CRMP1: variants seen among roughly 807,000 people sequenced by gnomAD.
CRMP1 encodes collapsin response mediator protein 1.
Under a neutral mutation model 68.3 loss-of-function variants are expected in CRMP1, and 19 were observed. The ratio of observed to expected loss-of-function variants is 0.28; its 90% CI spans 0.19 to 0.41. The LOEUF (loss-of-function observed/expected upper bound fraction) is 0.41. CRMP1 is among the 10% of genes least tolerant of loss of function. CRMP1 has a pLI of 1.00. For synonymous variants in CRMP1, 439 were observed against 399.6 expected, an observed-to-expected ratio of 1.10 and a Z score of -1.18; for missense variants, 791 against 967.4, an observed-to-expected ratio of 0.82 and a Z score of 2.42.
chr4:5,851,907 G>C (rs1208358644), intron 4 of CRMP1, among the ~76,000 whole-genome samples: 2 of 148,732 alleles, frequency 1.3e-5, no homozygotes, highest in Non-Finnish European at 3.0e-5. Flanking sequence ...AGAAAAAGGA[G>C]AAAGAGAAGG....
At chr4:5,867,388 T>C (rs909915316) in intron 1 of CRMP1, among the ~76,000 whole-genome samples, 2 of 152,180 alleles carry the variant, frequency 1.3e-5, no homozygotes, top group African/African-American at 4.8e-5. Context: ...AATTGGGTCA[T>C]TTGTAGAACA....
rs1425799793 is a variant in CRMP1 at position 5,866,801 on chromosome 4, G to C, written c.382-45C>G. ...ATTAAGGATCCTTGGTGAAAAGCCA[G>C]GATAAAGTTTTTTCTTTTTAATTTT... On this transcript the variant is annotated intron_variant, in intron 1 of 13. Transcript: ENST00000324989. The surrounding 1 kb of genome is among the most constrained non-coding windows in gnomAD (Gnocchi z 5.9). The C allele has an allele frequency of 7.1e-7, 1 of 1,412,288 alleles. No homozygotes were observed. Among genetic ancestry groups the C allele is most frequent in the African/African-American group, 1.4e-5 (1 of 69,010 alleles). 87.5% of individuals were successfully genotyped at this position (1,412,288 alleles called of 1,614,324 possible).
intron 6 of CRMP1, among the ~76,000 whole-genome samples, chr4:5,844,079 C>A (rs1356650866): frequency 6.6e-6 from 1 of 152,094 alleles, no homozygotes; most frequent in Non-Finnish European, 1.5e-5. Flanking sequence ...GAACCCTGGG[C>A]CTCATCACCC....
chr4:5,861,331 G>C lies in CRMP1; in HGVS notation c.471-121C>G, dbSNP rs1050154967. On this transcript the variant is annotated intron_variant, in intron 2 of 13. Coordinates refer to ENST00000324989, the MANE Select transcript of CRMP1 (RefSeq NM_001014809.3). This position sits in a 1 kb window ranked among gnomAD's most constrained non-coding sequence, Gnocchi z 6.0. ...AGCCAGGCCCTTCACAAGGCCCTGG[G>C]GAGACAGAGATAACTCAGGCAGGGC... 1.0e-6 allele frequency: 1 copy of C among 986,704 alleles called. No homozygotes were observed. The highest frequency in any genetic ancestry group is 1.5e-6 in the Non-Finnish European group (1 of 665,842). 61.1% of individuals were successfully genotyped at this position (986,704 alleles called of 1,614,324 possible).
In CRMP1 at chr4:5,888,490, G is replaced by C. The variant is rs1715766461; in HGVS notation, c.381+4099C>G. ...AGCACCGCCCGGATCGGCGAGGAGG[G>C]CGGGAGAAGGAGGAGGGAGAGGCGA... On this transcript the variant is annotated intron_variant, in intron 1 of 13. Coordinates refer to ENST00000324989, the MANE Select transcript of CRMP1 (RefSeq NM_001014809.3). This position sits in a 1 kb window ranked among gnomAD's most constrained non-coding sequence, Gnocchi z 6.4. 2 of 1,204,872 alleles carry C rather than the reference G, an allele frequency of 1.7e-6. No individual in the cohort carries two copies. The highest frequency in any genetic ancestry group is 4.4e-5 in the Admixed American group (1 of 22,722). The allele number at this position is 1,204,872 out of a possible 1,614,324, so 74.6% of individuals were successfully genotyped here. A position where few individuals can be genotyped will look rare whatever the true frequency, so the allele number is the denominator to read the frequency against.
intron 1 of CRMP1, among the ~76,000 whole-genome samples, chr4:5,868,261 CTATATATATATATATA>C (rs60816757): frequency 0.024 from 2,632 of 111,474 alleles, 121 homozygotes; most frequent in African/African-American, 0.083. Flanking sequence ...GACTATATAT[CTATATATATATATATA>C]TATATATATA....
Position 5,841,374 on chromosome 4 carries a change from G to A in CRMP1, c.1087C>T (p.Pro363Ser). ...AITIAGRINC[P>S]VYITKVMSKS... ...CTCATGACCTTGGTGATGTACACAGGGCAGTTGATCCGGCCCGCAATGGTG... is the reference window on the plus strand; with the variant it reads ...CTCATGACCTTGGTGATGTACACAGAGCAGTTGATCCGGCCCGCAATGGTG... Residue 363 changes from proline (P) to serine (S), a missense_variant, in exon 8 of 14, where the codon CCT (proline) becomes TCT (serine). Physicochemically the swap from Pro to Ser is moderately conservative, Grantham distance 74 (BLOSUM62 -1). Transcript: ENST00000324989. The surrounding 1 kb of genome is among the most constrained non-coding windows in gnomAD (Gnocchi z 6.9). 1 of 1,614,116 alleles carries A rather than the reference G, an allele frequency of 6.2e-7. No homozygotes were observed. The highest frequency in any genetic ancestry group is 8.5e-7 in the Non-Finnish European group (1 of 1,180,036).
chr4:5,891,806 C>G lies in CRMP1; in HGVS notation c.381+783G>C, dbSNP rs186876279. Among the ~76,000 whole-genome samples, 299 of 152,314 alleles carry G rather than the reference C, an allele frequency of 2.0e-3. 2 individuals are homozygous for G. The highest frequency in any genetic ancestry group is 7.0e-3 in the African/African-American group (290 of 41,574). On this transcript the variant is annotated intron_variant, in intron 1 of 13. Transcript: ENST00000324989. This position sits in a 1 kb window ranked among gnomAD's most constrained non-coding sequence, Gnocchi z 5.2. ...GACCCCCAGCTCAAGAGAGAATACC[C>G]GCAGGGCCCAAGCCCTAGCGTTCCC... is the stretch of plus-strand genomic sequence containing the variant.
At position 5,833,159 on chromosome 4, in the gene CRMP1, CTT is replaced by C. The variant is rs1160531301; in HGVS notation, c.1623+2754_1623+2755del. Among the ~76,000 whole-genome samples, 28 of 84,644 alleles carry C rather than the reference CTT, an allele frequency of 3.3e-4. 1 individual carries two copies. The highest frequency in any genetic ancestry group is 8.8e-3 in the Middle Eastern group (1 of 114). The allele number at this position is 84,644 out of a possible 152,430, so 55.5% of individuals were successfully genotyped here. ...TGGTTTCAACTTCTACCTTCCAGAACTTTTTTTTTTTTTTTTTTTTTTTTTGA... is the reference window on the plus strand; with the variant it reads ...TGGTTTCAACTTCTACCTTCCAGAACTTTTTTTTTTTTTTTTTTTTTTTGA... On this transcript the variant is annotated intron_variant, in intron 11 of 13. Coordinates refer to ENST00000324989, the MANE Select transcript of CRMP1 (RefSeq NM_001014809.3).
chr4:5,857,500 C>T (rs1230576774), intron 3 of CRMP1, among the ~76,000 whole-genome samples: 1 of 152,132 alleles, frequency 6.6e-6, no homozygotes, highest in Non-Finnish European at 1.5e-5. Flanking sequence ...ATCATCACCA[C>T]CATTGTCATC....
At chr4:5,836,689 G>T in intron 10 of CRMP1, 76 bp downstream of exon 10, 1 of 1,605,528 alleles carries the variant, frequency 6.2e-7, no homozygotes. Context: ...TAAGAACCCA[G>T]CGTGCATAAT....
At chr4:5,876,993 G>C (rs1452160448) in intron 1 of CRMP1, among the ~76,000 whole-genome samples, 1 of 152,196 alleles carries the variant, frequency 6.6e-6, no homozygotes, top group African/African-American at 2.4e-5. Context: ...CTGACTGTGG[G>C]TGTTCTGCCC....
chr4:5,824,544 C>G (rs1719226189), intron 13 of CRMP1: 1 of 984,034 alleles, frequency 1.0e-6, no homozygotes, highest in Non-Finnish European at 1.2e-6. Context: ...ATCGCCTTTC[C>G]TGACCAGGAA....
chr4:5,861,189 G>T lies in CRMP1; in HGVS notation c.492C>A (p.Ile164=). 5 of 1,614,002 alleles carry T rather than the reference G, an allele frequency of 3.1e-6. No individual in the cohort carries two copies. The highest frequency in any genetic ancestry group is 4.2e-6 in the Non-Finnish European group (5 of 1,179,958). ...GLIKQIGENL[I]VPGGVKTIEA... is the part of the protein sequence containing the mutation. ...CAATGGTCTTCACTCCACCAGGAAC[G>T]ATTAAGTTCTCTCCTATTTGTCTGG... The change falls in exon 3 of 14, where the codon ATC becomes ATA. Residue 164 remains isoleucine, a synonymous_variant. Transcript: ENST00000324989. This position sits in a 1 kb window ranked among gnomAD's most constrained non-coding sequence, Gnocchi z 6.0.
chr4:5,864,107 C>T (rs10446498), intron 2 of CRMP1, among the ~76,000 whole-genome samples: 74,287 of 152,060 alleles, frequency 0.49, 19,420 homozygotes, highest in East Asian at 0.74. Flanking sequence ...TTGATGTTGA[C>T]ACATAACAGC....
rs1010465528 is a variant in CRMP1 at position 5,860,175 on chromosome 4, C to T, written c.655+851G>A. On this transcript the variant is annotated intron_variant, in intron 3 of 13. Coordinates refer to ENST00000324989, the MANE Select transcript of CRMP1 (RefSeq NM_001014809.3). The surrounding 1 kb of genome is among the most constrained non-coding windows in gnomAD (Gnocchi z 4.2). The stretch of plus-strand genomic sequence containing the variant: ...AGTGTGCTCCTGTCAACTTTGGGCT[C>T]GGCCACATGACTGACCTTGGCCAAT... Among the ~76,000 whole-genome samples, 10 of 152,062 alleles carry T rather than the reference C, an allele frequency of 6.6e-5. No homozygotes were observed. The highest frequency in any genetic ancestry group is 1.9e-4 in the African/African-American group (8 of 41,396).
rs1718518302 is a variant in CRMP1, at chr4:5,821,351, C to T, written c.*409G>A. The T allele has an allele frequency of 2.2e-5, 4 of 179,402 alleles. No individual in the cohort carries two copies. Among genetic ancestry groups the T allele is most frequent in the Non-Finnish European group, 3.6e-5 (3 of 83,986 alleles). 11.1% of individuals were successfully genotyped at this position (179,402 alleles called of 1,614,324 possible). A position where few individuals can be genotyped will look rare whatever the true frequency, so the allele number is the denominator to read the frequency against. On this transcript the variant is annotated 3_prime_UTR_variant, in exon 14 of 14. Coordinates refer to ENST00000324989, the MANE Select transcript of CRMP1 (RefSeq NM_001014809.3). This position sits in a 1 kb window ranked among gnomAD's most constrained non-coding sequence, Gnocchi z 4.4. ...CAGTCCTTGGCGATGTCCCCTCAGA[C>T]GCACTCACAGACTTGCATACGTAAT...
At chr4:5,823,758 G>A (rs1013049175) in intron 13 of CRMP1, among the ~76,000 whole-genome samples, 7 of 152,100 alleles carry the variant, frequency 4.6e-5, no homozygotes, top group Non-Finnish European at 7.3e-5. Flanking sequence ...CGCTGGCACC[G>A]TGCTGCTTGT....
intron 11 of CRMP1, among the ~76,000 whole-genome samples, chr4:5,831,902 G>C (rs111925105): frequency 0.01 from 1,546 of 152,260 alleles, 21 homozygotes; most frequent in African/African-American, 0.034. Flanking sequence ...AGGGAGAACT[G>C]GTTTCTTTTA....
Sources: gnomAD v4.1 joint callset for allele counts (sites outside exome capture counted in the v4.1 genomes callset) on GRCh38, gnomAD v4.1.1 for gene constraint, Gnocchi (gnomAD v3.1) non-coding constraint, MANE v1.5 for transcripts, NCBI Gene and HGNC (gene_info 2026-07-23, HGNC 2026-07-21) for gene names.